COL8A1: variants seen among roughly 807,000 people sequenced by gnomAD.
COL8A1 encodes the protein collagen type VIII alpha 1 chain.
Under a neutral mutation model 42.7 loss-of-function variants are expected in COL8A1, and 21 were observed. The ratio of observed to expected loss-of-function variants is 0.49; its 90% CI spans 0.35 to 0.71. COL8A1 has a LOEUF of 0.71. COL8A1 is among the 30% of genes least tolerant of loss of function. The pLI is 0.01. For synonymous variants in COL8A1, 367 were observed against 369.1 expected (o/e 0.99, Z 0.06); for missense variants, 788 against 962.4 (o/e 0.82, Z 2.40).
intron 1 of COL8A1, chr3:99,679,733 G>A (rs913875460): frequency 6.6e-6 from 1 of 152,102 alleles, no homozygotes; most frequent in African/African-American, 2.4e-5. Context: ...TAGTCTTTTT[G>A]GAAATTGGTT....
intron 2 of COL8A1, among the ~76,000 whole-genome samples, chr3:99,745,680 T>C (rs1941010820): frequency 6.6e-6 from 1 of 152,198 alleles, no homozygotes; most frequent in South Asian, 2.1e-4. Context: ...CAGAGCATGA[T>C]ATGATGGAAA....
chr3:99,777,217 C>T (rs1324536800), intron 2 of COL8A1, among the ~76,000 whole-genome samples: 4 of 152,150 alleles, frequency 2.6e-5, no homozygotes, highest in Non-Finnish European at 4.4e-5. Context: ...AAATACTCCA[C>T]TAGAGAGTAG....
At chr3:99,663,681 G>A (rs964017363) in intron 1 of COL8A1, among the ~76,000 whole-genome samples, 1 of 152,036 alleles carries the variant, frequency 6.6e-6, no homozygotes, top group African/African-American at 2.4e-5. Flanking sequence ...CTATACTAGA[G>A]GAAACAAACT....
At chr3:99,660,844 G>T (rs114996389) in intron 1 of COL8A1, among the ~76,000 whole-genome samples, 3,355 of 152,212 alleles carry the variant, frequency 0.022, 54 homozygotes, top group Non-Finnish European at 0.037. Flanking sequence ...GCCCAAATTT[G>T]TTTAATAGCT....
intron 1 of COL8A1, among the ~76,000 whole-genome samples, chr3:99,651,355 C>G (rs980247665): frequency 1.3e-5 from 2 of 152,200 alleles, no homozygotes; most frequent in African/African-American, 4.8e-5. Flanking sequence ...TTTCTTTCCT[C>G]CTGAAACCTC....
chr3:99,693,019 C>A (rs1415187873), intron 1 of COL8A1, among the ~76,000 whole-genome samples: 1 of 152,062 alleles, frequency 6.6e-6, no homozygotes, highest in Non-Finnish European at 1.5e-5. Flanking sequence ...ATTAGCCAGG[C>A]GTGGTGGCGT....
intron 2 of COL8A1, among the ~76,000 whole-genome samples, chr3:99,773,159 T>C (rs958996080): frequency 5.9e-5 from 9 of 152,238 alleles, no homozygotes; most frequent in African/African-American, 1.9e-4. Context: ...AAACCTTCAA[T>C]CAAAATTTGT....
intron 1 of COL8A1, among the ~76,000 whole-genome samples, chr3:99,656,448 A>G (rs1938025184): frequency 6.6e-6 from 1 of 151,894 alleles, no homozygotes; most frequent in African/African-American, 2.4e-5. Flanking sequence ...AGACCAGGGA[A>G]GTTACTTCAC....
At chr3:99,745,318 C>T (rs1941002406) in intron 2 of COL8A1, among the ~76,000 whole-genome samples, 1 of 152,132 alleles carries the variant, frequency 6.6e-6, no homozygotes, top group Non-Finnish European at 1.5e-5. Context: ...TAGAACTTGA[C>T]TAGGTATCCA....
At chr3:99,648,979 A>G (rs1179862741) in intron 1 of COL8A1, among the ~76,000 whole-genome samples, 2 of 152,170 alleles carry the variant, frequency 1.3e-5, no homozygotes, top group Non-Finnish European at 2.9e-5. Context: ...TGCCAAAGAC[A>G]AAAAAGGAAA....
At chr3:99,711,579 A>C (rs922099020) in intron 1 of COL8A1, among the ~76,000 whole-genome samples, 1 of 152,044 alleles carries the variant, frequency 6.6e-6, no homozygotes, top group Non-Finnish European at 1.5e-5. Context: ...AGACAAACAA[A>C]TGGAAGTGAC....
At chr3:99,664,433 G>A (rs557658905) in intron 1 of COL8A1, among the ~76,000 whole-genome samples, 1 of 151,970 alleles carries the variant, frequency 6.6e-6, no homozygotes, top group East Asian at 1.9e-4. Flanking sequence ...GCAATTAAAG[G>A]CTCAATCCCG....
Position 99,790,665 on chromosome 3 carries a change from T to C in COL8A1, c.-3-15T>C, listed in dbSNP as rs1383400073. ...GCAGAGTTTCACCAAGTTGGTGCAT[T>C]GGTTCCTCCCACAGGTGATGGCTGT... On this transcript the variant is annotated splice_polypyrimidine_tract_variant and intron_variant, in intron 2 of 3. Coordinates refer to ENST00000652472, the MANE Select transcript of COL8A1 (RefSeq NM_020351.4). The C allele has an allele frequency of 6.2e-7, 1 of 1,607,758 alleles. No individual in the cohort carries two copies.
At chr3:99,729,953 C>A (rs902452279) in intron 1 of COL8A1, among the ~76,000 whole-genome samples, 6 of 152,102 alleles carry the variant, frequency 3.9e-5, no homozygotes, top group Non-Finnish European at 2.9e-5. Context: ...AATTTAATAG[C>A]ATTGTTGATC....
At chr3:99,741,195 G>A (rs1057491470) in intron 1 of COL8A1, among the ~76,000 whole-genome samples, 2 of 151,910 alleles carry the variant, frequency 1.3e-5, no homozygotes, top group Non-Finnish European at 2.9e-5. Flanking sequence ...TGAGATTGAA[G>A]GCTTTCTAAT....
At chr3:99,685,254 T>C (rs1939015917) in intron 1 of COL8A1, among the ~76,000 whole-genome samples, 1 of 152,176 alleles carries the variant, frequency 6.6e-6, no homozygotes, top group Admixed American at 6.5e-5. Flanking sequence ...TGAGAAGGAA[T>C]AAGAATTTAC....
rs769951985 is a variant in COL8A1 at position 99,794,679 on chromosome 3, C to T, written c.778C>T (p.His260Tyr). The change falls in exon 4 of 4, where the codon CAC becomes TAC. Residue 260 changes from histidine to tyrosine, a missense_variant. Around this residue, in one of 4 missense-constraint regions of COL8A1, gnomAD observed 421 missense variants for 553.1 expected, o/e 0.76. Coordinates refer to ENST00000652472, the MANE Select transcript of COL8A1 (RefSeq NM_020351.4). This position sits in a 1 kb window ranked among gnomAD's most constrained non-coding sequence, Gnocchi z 4.3. ...AGGTGTAAAGGGGCCTCCAGGGATG[C>T]ACGGCCCTCCCGGCCCTGTTGGACT... ...APGVKGPPGM[H>Y]GPPGPVGLPG... The T allele has an allele frequency of 2.5e-6, 4 of 1,613,480 alleles. No individual in the cohort carries two copies. The highest frequency in any genetic ancestry group is 3.4e-6 in the Non-Finnish European group (4 of 1,179,792).
At chr3:99,709,349 C>T (rs1446602127) in intron 1 of COL8A1, among the ~76,000 whole-genome samples, 1 of 152,130 alleles carries the variant, frequency 6.6e-6, no homozygotes, top group East Asian at 1.9e-4. Flanking sequence ...ACACTCCACC[C>T]TTCCATAGTC....
At chr3:99,724,995 G>T (rs1940261911) in intron 1 of COL8A1, among the ~76,000 whole-genome samples, 1 of 151,984 alleles carries the variant, frequency 6.6e-6, no homozygotes, top group Admixed American at 6.6e-5. Context: ...CTTTATTTTG[G>T]ATTGTGGTAA....
Sources: gnomAD v4.1 joint callset for allele counts (sites outside exome capture counted in the v4.1 genomes callset) on GRCh38, gnomAD v4.1.1 for gene constraint, gnomAD v4.1.1 regional missense constraint, Gnocchi (gnomAD v3.1) non-coding constraint, MANE v1.5 for transcripts, NCBI Gene and HGNC (gene_info 2026-07-23, HGNC 2026-07-21) for gene names.